The following TRPM7 variants were observed in gnomAD, a reference collection of about 807,000 sequenced individuals.
The protein encoded by TRPM7 is transient receptor potential cation channel subfamily M member 7.
A neutral mutation model predicts 229.7 loss-of-function variants in TRPM7; 134 were observed. The observed-to-expected ratio is 0.58, with a 90% CI of 0.51 to 0.67. The LOEUF is 0.67. Ranked by LOEUF, TRPM7 falls within the 30% of genes least tolerant of loss-of-function variation. The probability of loss-of-function intolerance (pLI) is 0.00; values close to 1 mark genes in which losing one functional copy is unlikely to be tolerated. For missense variants in TRPM7, 1,901 were observed against 2,210.0 expected, an observed-to-expected ratio of 0.86 and a Z score of 2.80; for synonymous variants, 699 against 715.2, an observed-to-expected ratio of 0.98 and a Z score of 0.36.
At position 50,613,621 on chromosome 15, in the gene TRPM7, A is replaced by C. The variant is rs1483282886; in HGVS notation, c.1770+86T>G. On this transcript the variant is annotated intron_variant, in intron 15 of 38. Coordinates refer to ENST00000646667, the MANE Select transcript of TRPM7 (RefSeq NM_017672.6). ...AACGAAAGGTAATTCTTACTAAATCAATTAGTTTTTTTTGTTTAATAATAC... is the reference window on the plus strand; with the variant it reads ...AACGAAAGGTAATTCTTACTAAATCCATTAGTTTTTTTTGTTTAATAATAC... 3.1e-5 allele frequency: 38 copies of C among 1,220,910 alleles called. 1 individual carries two copies. In the South Asian group the frequency reaches 7.9e-4, roughly 25 times the overall value. The allele number at this position is 1,220,910 out of a possible 1,614,324, so 75.6% of individuals were successfully genotyped here.
rs912049481 is a variant in TRPM7 at position 50,658,956 on chromosome 15, T to A, written c.84-1137A>T. On this transcript the variant is annotated intron_variant, in intron 2 of 38. Coordinates refer to ENST00000646667, the MANE Select transcript of TRPM7 (RefSeq NM_017672.6). ...GCTCACGCCTGTAATGCCAGCACTT[T>A]GGGAGGCTGAGGCGGGAGGATCACG... Among the ~76,000 whole-genome samples the A allele has an allele frequency of 2.6e-5, 4 of 151,930 alleles. No homozygotes were observed. In the East Asian group the frequency reaches 5.8e-4, roughly 22 times the overall value.
intron 2 of TRPM7, among the ~76,000 whole-genome samples, chr15:50,659,384 A>G (rs536650843): frequency 1.6e-4 from 25 of 152,316 alleles, no homozygotes; most frequent in African/African-American, 5.3e-4. Flanking sequence ...AGGTAAACTT[A>G]TAGCTAAAGC....
chr15:50,593,267 C>A (rs1006046747), intron 25 of TRPM7, among the ~76,000 whole-genome samples: 1 of 151,130 alleles, frequency 6.6e-6, no homozygotes, highest in Non-Finnish European at 1.5e-5. Context: ...CCAGCCGGGG[C>A]AAAAGAGGAG....
At chr15:50,611,663 T>C (rs1007162312) in intron 16 of TRPM7, among the ~76,000 whole-genome samples, 5 of 152,280 alleles carry the variant, frequency 3.3e-5, no homozygotes, top group South Asian at 2.1e-4. Context: ...CAGAAAACAG[T>C]TGGTACCTGG....
chr15:50,604,746 G>T (rs925305689), intron 21 of TRPM7, 120 bp downstream of exon 21: 38 of 995,010 alleles, frequency 3.8e-5, no homozygotes, highest in Non-Finnish European at 5.1e-5. Flanking sequence ...GAAGTATGAG[G>T]CAAACAAACA....
chr15:50,635,327 A>G (rs1396222248), intron 7 of TRPM7, among the ~76,000 whole-genome samples: 1 of 144,080 alleles, frequency 6.9e-6, no homozygotes, highest in Admixed American at 6.8e-5. Context: ...ATAAAAAAAA[A>G]AAAAAAAAAA....
intron 1 of TRPM7, among the ~76,000 whole-genome samples, chr15:50,675,879 G>A (rs1423311306): frequency 6.6e-6 from 1 of 152,156 alleles, no homozygotes; most frequent in African/African-American, 2.4e-5. Context: ...TACAGATTCT[G>A]GAATCAGACT....
At chr15:50,580,794 T>A (rs1397739907) in intron 30 of TRPM7, 80 bp downstream of exon 30, 122 of 1,283,286 alleles carry the variant, frequency 9.5e-5, no homozygotes, top group Non-Finnish European at 9.1e-5. Flanking sequence ...GTTAAAGAGA[T>A]GATGTAAAGA....
chr15:50,619,910 C>T, intron 12 of TRPM7, 112 bp from the exon 13 acceptor site: 1 of 900,758 alleles, frequency 1.1e-6, no homozygotes, highest in Non-Finnish European at 1.7e-6. Flanking sequence ...GGAGTTATTT[C>T]CTTAAGTTCT....
Position 50,594,494 on chromosome 15 carries a change from T to C in TRPM7, c.3410A>G (p.His1137Arg), listed in dbSNP as rs758296253. The C allele has an allele frequency of 6.2e-7, 1 of 1,613,326 alleles. No homozygotes were observed. Among genetic ancestry groups the C allele is most frequent in the Non-Finnish European group, 8.5e-7 (1 of 1,179,674 alleles). ...TATGCAGCAAAACAGAGAAACTATA[T>C]GGCTAAGAATGATAAGTGGAGGAGG... ...VLPPPLIILS[H>R]IVSLFCCICK... Residue 1137 changes from histidine (H) to arginine (R), a missense_variant, in exon 24 of 39, where the codon CAT becomes CGT. By Grantham distance (29) the His-to-Arg change is conservative (BLOSUM62 0). Coordinates refer to ENST00000646667, the MANE Select transcript of TRPM7 (RefSeq NM_017672.6).
chr15:50,630,831 C>A (rs2060709685), intron 10 of TRPM7, among the ~76,000 whole-genome samples: 1 of 152,058 alleles, frequency 6.6e-6, no homozygotes, highest in Non-Finnish European at 1.5e-5. Context: ...CACCACCATG[C>A]CCAGCTAATT....
At chr15:50,628,691 G>C (rs1350943382) in intron 10 of TRPM7, among the ~76,000 whole-genome samples, 3 of 152,174 alleles carry the variant, frequency 2.0e-5, no homozygotes, top group Non-Finnish European at 2.9e-5. Context: ...CTGCCTCAGA[G>C]ATAAGATTAG....
rs2141397196 is a variant in TRPM7, at chr15:50,557,687, G to C, written c.*3991C>G. The stretch of plus-strand genomic sequence containing the variant: ...TGAGACAGAGTTCTGCTGTCACCCA[G>C]GCTGGAGTGCAGTGGCAGCAATCTA... On this transcript the variant is annotated 3_prime_UTR_variant, in exon 39 of 39. Transcript: ENST00000646667. 6.6e-6 allele frequency: 1 copy of C among 152,324 alleles called. No individual in the cohort carries two copies. The highest frequency in any genetic ancestry group is 1.9e-4 in the East Asian group (1 of 5,182). 9.4% of individuals were successfully genotyped at this position (152,324 alleles called of 1,614,324 possible).
At chr15:50,645,369 CT>C (rs375721607) in intron 4 of TRPM7, among the ~76,000 whole-genome samples, 10 of 147,288 alleles carry the variant, frequency 6.8e-5, no homozygotes, top group South Asian at 2.2e-4. Flanking sequence ...AGGATTTGTT[CT>C]TTTTTTTTTG....
In TRPM7 at chr15:50,561,724, G is replaced by A; in HGVS notation, c.5552C>T (p.Ser1851Phe). Residue 1851 changes from serine (S) to phenylalanine (F), a missense_variant, in exon 39 of 39, where the codon TCC (serine) becomes TTC (phenylalanine). Physicochemically the swap from Ser to Phe is radical, Grantham distance 155 (BLOSUM62 -2). Coordinates refer to ENST00000646667, the MANE Select transcript of TRPM7 (RefSeq NM_017672.6). Reference protein sequence around the residue: ...PSDLNLQPGNSTKESESTNSV... With the variant: ...PSDLNLQPGNFTKESESTNSV... ...ATTAGTTGATTCTGATTCTTTGGTG[G>A]AATTTCCAGGCTGAAGATTCAAATC... The A allele has an allele frequency of 6.2e-7, 1 of 1,612,380 alleles. No homozygotes were observed.
At chr15:50,621,157 CAAAAAAAAAAAAA>C (rs35848629) in intron 12 of TRPM7, among the ~76,000 whole-genome samples, 1 of 51,828 alleles carries the variant, frequency 1.9e-5, no homozygotes, top group African/African-American at 6.2e-5. Context: ...GACTCCGTCT[CAAAAAAAAAAAAA>C]AAAAAAAAAA....
intron 26 of TRPM7, 122 bp downstream of exon 26, chr15:50,591,789 T>C (rs2059500588): frequency 1.3e-6 from 1 of 767,960 alleles, no homozygotes; most frequent in Non-Finnish European, 1.9e-6. Flanking sequence ...TCTGATTCTT[T>C]TTAAAAATTT....
rs545418253 is a variant in TRPM7, at chr15:50,621,062, G to A, written c.1441-1264C>T. 5.3e-4 allele frequency among the ~76,000 whole-genome samples: 80 copies of A among 151,404 alleles called. 2 individuals carry two copies. The South Asian group carries it at 0.013, about 25-fold the overall frequency. ...TAGTCCCAGCTACTCGGGAGGCTGA[G>A]GCAGGAGAATGCCGTGAACCCCTGG... On this transcript the variant is annotated intron_variant, in intron 12 of 38. Coordinates refer to ENST00000646667, the MANE Select transcript of TRPM7 (RefSeq NM_017672.6).
intron 1 of TRPM7, among the ~76,000 whole-genome samples, chr15:50,678,445 A>G (rs962164993): frequency 6.7e-6 from 1 of 150,152 alleles, no homozygotes; most frequent in Non-Finnish European, 1.5e-5. Flanking sequence ...TTCCCCTATC[A>G]GAGTTCAATA....
Sources: allele counts gnomAD v4.1 joint callset (sites outside exome capture counted in the v4.1 genomes callset), GRCh38; gene constraint gnomAD v4.1.1; transcripts MANE v1.5; gene names NCBI Gene and HGNC (gene_info 2026-07-23, HGNC 2026-07-21).